The following CACNA1E variants were observed in gnomAD, a reference collection of about 807,000 sequenced individuals.
The protein encoded by CACNA1E is calcium voltage-gated channel subunit alpha1 E.
In CACNA1E, 40 loss-of-function variants were observed where a neutral mutation model predicts 259.2. That is an observed-to-expected ratio of 0.15 (90% confidence interval 0.12 to 0.20). The LOEUF (loss-of-function observed/expected upper bound fraction) is 0.20. CACNA1E is among the 10% of genes least tolerant of loss of function. The pLI, the probability that CACNA1E is intolerant of heterozygous loss-of-function variation, is 1.00. For synonymous variants in CACNA1E, 1,104 were observed against 1,138.5 expected (o/e 0.97, Z 0.61); for missense variants, 1,874 against 3,040.1 (o/e 0.62, Z 9.02).
chr1:181,363,662 C>G (rs927914471), intron 1 of CACNA1E, among the ~76,000 whole-genome samples: 3 of 152,042 alleles, frequency 2.0e-5, no homozygotes, highest in Admixed American at 2.0e-4. Context: ...TGACATGGAC[C>G]CTGTCCATCA....
chr1:181,542,747 A>ATAT (rs766078391), intron 3 of CACNA1E, among the ~76,000 whole-genome samples: 3 of 151,884 alleles, frequency 2.0e-5, no homozygotes, highest in Non-Finnish European at 4.4e-5. Flanking sequence ...AGTTCTTTAT[A>ATAT]GCAGTATGAA....
intron 1 of CACNA1E, among the ~76,000 whole-genome samples, chr1:181,353,192 T>C (rs556622103): frequency 6.6e-6 from 1 of 152,260 alleles, no homozygotes; most frequent in South Asian, 2.1e-4. Flanking sequence ...CAGGACATCA[T>C]CTCCCTGAGA....
intron 7 of CACNA1E, among the ~76,000 whole-genome samples, chr1:181,664,249 T>G (rs1305955528): frequency 2.6e-5 from 4 of 152,190 alleles, no homozygotes; most frequent in African/African-American, 9.6e-5. Context: ...GCATTTGCAA[T>G]GGGACCTTTG....
chr1:181,631,917 A>C (rs1164665424), intron 6 of CACNA1E, among the ~76,000 whole-genome samples: 1 of 152,112 alleles, frequency 6.6e-6, no homozygotes, highest in Non-Finnish European at 1.5e-5. Context: ...GATCAGATTT[A>C]CCTCAGGTTT....
intron 2 of CACNA1E, among the ~76,000 whole-genome samples, chr1:181,424,063 A>G (rs1174856795): frequency 6.6e-6 from 1 of 152,136 alleles, no homozygotes; most frequent in Non-Finnish European, 1.5e-5. Flanking sequence ...TCAGGATCCT[A>G]GGGCTGTAGT....
chr1:181,632,754 G>A (rs1276594998), intron 6 of CACNA1E, among the ~76,000 whole-genome samples: 1 of 152,056 alleles, frequency 6.6e-6, no homozygotes, highest in African/African-American at 2.4e-5. Context: ...CATGCAGATT[G>A]ATTTGATTCT....
chr1:181,776,095 C>G lies in CACNA1E; in HGVS notation c.5140-6C>G. 1 of 1,612,036 alleles carries G rather than the reference C, an allele frequency of 6.2e-7. No homozygotes were observed. The highest frequency in any genetic ancestry group is 8.5e-7 in the Non-Finnish European group (1 of 1,178,648). ...CCTAACCCCTCTTCTTCCCCTTGCC[C>G]TTCAGATGCTCAACCTGTTTGTGGC... On this transcript the variant is annotated splice_polypyrimidine_tract_variant and splice_region_variant and intron_variant, in intron 37 of 47. Transcript: ENST00000367573. This position sits in a 1 kb window ranked among gnomAD's most constrained non-coding sequence, Gnocchi z 4.4.
chr1:181,784,729 T>C lies in CACNA1E; in HGVS notation c.5539T>C (p.Ser1847Pro). 1 of 1,584,856 alleles carries C rather than the reference T, an allele frequency of 6.3e-7. No homozygotes were observed. The highest frequency in any genetic ancestry group is 8.6e-7 in the Non-Finnish European group (1 of 1,165,108). ...KETLAIWPHL[S>P]QKMLDLLVPM... The stretch of plus-strand genomic sequence containing the variant: ...GACCCTAGCCATCTGGCCTCACCTA[T>C]CCCAGAAGATGCTGGATCTGCTTGT... The change falls in exon 41 of 48, where the codon TCC (serine) becomes CCC (proline). Residue 1847 changes from serine (S) to proline (P), a missense_variant. Ser to Pro is a moderately conservative substitution (Grantham distance 74). This residue lies in a region of CACNA1E where 147 missense variants were observed against 337.1 expected (regional missense o/e 0.44). Coordinates refer to ENST00000367573, the MANE Select transcript of CACNA1E (RefSeq NM_001205293.3).
At chr1:181,738,640 G>A (rs1474161880) in intron 24 of CACNA1E, among the ~76,000 whole-genome samples, 1 of 152,188 alleles carries the variant, frequency 6.6e-6, no homozygotes, top group Admixed American at 6.5e-5. Context: ...GCAGGCCTGT[G>A]GACATGGCCC....
chr1:181,342,992 C>A (rs916271902), intron 1 of CACNA1E, among the ~76,000 whole-genome samples: 1 of 152,058 alleles, frequency 6.6e-6, no homozygotes, highest in African/African-American at 2.4e-5. Flanking sequence ...CCTTAGTGGG[C>A]TGCCAAAATC....
intron 1 of CACNA1E, among the ~76,000 whole-genome samples, chr1:181,342,215 G>A (rs1191761374): frequency 2.0e-5 from 3 of 152,176 alleles, no homozygotes; most frequent in Non-Finnish European, 4.4e-5. Context: ...GGCTGGTGAG[G>A]CATTAGTGCT....
In CACNA1E at chr1:181,720,392, G is replaced by A. The variant is rs1464445767; in HGVS notation, c.1883+55G>A. 4.5e-6 allele frequency: 7 copies of A among 1,570,032 alleles called. No homozygotes were observed. The East Asian group carries it at 1.4e-4, about 31-fold the overall frequency. ...GAGGCTCAAAACCCAGTCGTAGCCTGTGTTGGGCTAGGGTCATTAACTCAA... is the reference window on the plus strand; with the variant it reads ...GAGGCTCAAAACCCAGTCGTAGCCTATGTTGGGCTAGGGTCATTAACTCAA... On this transcript the variant is annotated intron_variant, in intron 14 of 47. Coordinates refer to ENST00000367573, the MANE Select transcript of CACNA1E (RefSeq NM_001205293.3).
intron 3 of CACNA1E, among the ~76,000 whole-genome samples, chr1:181,546,660 G>T (rs1279688446): frequency 6.6e-6 from 1 of 152,166 alleles, no homozygotes; most frequent in Non-Finnish European, 1.5e-5. Flanking sequence ...GGGGCCAGCT[G>T]CTGCGGTGAT....
chr1:181,748,138 T>A (rs1032178192), intron 25 of CACNA1E, among the ~76,000 whole-genome samples: 3 of 152,330 alleles, frequency 2.0e-5, no homozygotes, highest in Non-Finnish European at 2.9e-5. Flanking sequence ...TATTTTTTTT[T>A]ATTTTACTTT....
intron 16 of CACNA1E, among the ~76,000 whole-genome samples, chr1:181,723,459 T>A (rs1017589690): frequency 6.6e-6 from 1 of 152,198 alleles, no homozygotes; most frequent in Non-Finnish European, 1.5e-5. Context: ...TGCAGAAGAC[T>A]TCTGTAACCA....
chr1:181,640,400 A>G (rs1005278899), intron 6 of CACNA1E, among the ~76,000 whole-genome samples: 1 of 152,194 alleles, frequency 6.6e-6, no homozygotes, highest in African/African-American at 2.4e-5. Context: ...AAGACTTACA[A>G]GCCATGGTTC....
intron 1 of CACNA1E, among the ~76,000 whole-genome samples, chr1:181,377,501 C>G (rs767802609): frequency 6.6e-6 from 1 of 151,890 alleles, no homozygotes; most frequent in Non-Finnish European, 1.5e-5. Flanking sequence ...ATGTGGGGAG[C>G]CATCAGGGGT....
At chr1:181,461,356 ACG>A (rs1429780053) in intron 2 of CACNA1E, among the ~76,000 whole-genome samples, 14 of 151,402 alleles carry the variant, frequency 9.2e-5, no homozygotes, top group African/African-American at 3.2e-4. Context: ...CCTGGCTAAC[ACG>A]GTGAAACCCC....
At position 181,697,313 on chromosome 1, in the gene CACNA1E, T is replaced by G. The variant is rs79480685; in HGVS notation, c.1056-13641T>G. Among the ~76,000 whole-genome samples the G allele has an allele frequency of 3.8e-3, 578 of 152,354 alleles. 9 individuals carry two copies. The highest frequency in any genetic ancestry group is 0.013 in the African/African-American group (551 of 41,576). On this transcript the variant is annotated intron_variant, in intron 7 of 47. Coordinates refer to ENST00000367573, the MANE Select transcript of CACNA1E (RefSeq NM_001205293.3). ...GACCTATCTGTGGTCAGAAGAACCT[T>G]GTTCTGTCAGTACTTAGATGTATGA...
Sources: allele counts gnomAD v4.1 joint callset (sites outside exome capture counted in the v4.1 genomes callset), GRCh38; gene constraint gnomAD v4.1.1; regional missense constraint gnomAD v4.1.1; non-coding constraint Gnocchi (gnomAD v3.1); transcripts MANE v1.5; gene names NCBI Gene and HGNC (gene_info 2026-07-23, HGNC 2026-07-21).